The following STK32B variants were observed in gnomAD, a reference collection of about 807,000 sequenced individuals.
The protein encoded by STK32B is serine/threonine-protein kinase 32B.
In STK32B, 43 loss-of-function variants were observed where a neutral mutation model predicts 52.6. The ratio of observed to expected loss-of-function variants is 0.82; its 90% confidence interval spans 0.64 to 1.05. The LOEUF (loss-of-function observed/expected upper bound fraction) is 1.05. Ranked by LOEUF, STK32B falls within the 50% of genes least tolerant of loss-of-function variation. The probability of loss-of-function intolerance (pLI) is 0.00; values close to 1 mark genes in which losing one functional copy is unlikely to be tolerated. For missense variants in STK32B, 621 were observed against 534.6 expected (o/e 1.16, Z -1.59); for synonymous variants, 238 against 204.3 (o/e 1.17, Z -1.41).
At chr4:5,283,679 G>A (rs976279136) in intron 3 of STK32B, among the ~76,000 whole-genome samples, 5 of 152,130 alleles carry the variant, frequency 3.3e-5, no homozygotes, top group Non-Finnish European at 2.9e-5. Context: ...GGAGAGAGTG[G>A]GATGATATAT....
At chr4:5,474,277 C>G (rs16837339) in intron 11 of STK32B, among the ~76,000 whole-genome samples, 3,274 of 152,272 alleles carry the variant, frequency 0.022, 49 homozygotes, top group African/African-American at 0.033. Flanking sequence ...TGCAATCCAT[C>G]ACAGGCTTCA....
intron 1 of STK32B, among the ~76,000 whole-genome samples, chr4:5,138,461 AT>A (rs1716211207): frequency 6.6e-6 from 1 of 152,164 alleles, no homozygotes; most frequent in African/African-American, 2.4e-5. Context: ...ATTCAAAAAT[AT>A]TTACCAAACA....
At chr4:5,123,720 CAT>C (rs1715196408) in intron 1 of STK32B, among the ~76,000 whole-genome samples, 1 of 152,080 alleles carries the variant, frequency 6.6e-6, no homozygotes, top group Non-Finnish European at 1.5e-5. Flanking sequence ...CTTTTTGACC[CAT>C]TTAACCTTAA....
At chr4:5,050,730 C>T (rs1178777760), upstream of STK32B, among the ~76,000 whole-genome samples, 1 of 152,184 alleles carries the variant, frequency 6.6e-6, no homozygotes, top group Non-Finnish European at 1.5e-5. Flanking sequence ...CCCGCGCTCG[C>T]CCCACACGTC....
chr4:5,279,097 A>T (rs1560281819), intron 3 of STK32B, among the ~76,000 whole-genome samples: 1 of 152,080 alleles, frequency 6.6e-6, no homozygotes. Flanking sequence ...TTCAAAACCA[A>T]TCATGCCTTG....
At chr4:5,104,359 G>A (rs1481102894) in intron 1 of STK32B, among the ~76,000 whole-genome samples, 2 of 152,198 alleles carry the variant, frequency 1.3e-5, no homozygotes, top group Non-Finnish European at 1.5e-5. Flanking sequence ...CCCCAGACAT[G>A]TGGAACTGTG....
At chr4:5,210,501 C>G (rs967131856) in intron 3 of STK32B, among the ~76,000 whole-genome samples, 9 of 152,176 alleles carry the variant, frequency 5.9e-5, no homozygotes, top group Admixed American at 3.3e-4. Context: ...CCTGCCCTCA[C>G]CGAAGACAAA....
At chr4:5,258,011 C>T (rs1351147456) in intron 3 of STK32B, among the ~76,000 whole-genome samples, 1 of 152,134 alleles carries the variant, frequency 6.6e-6, no homozygotes, top group Non-Finnish European at 1.5e-5. Context: ...TCAGACTTCC[C>T]GAGTTCAAAT....
chr4:5,250,454 A>T (rs1188101536), intron 3 of STK32B, among the ~76,000 whole-genome samples: 1 of 151,768 alleles, frequency 6.6e-6, no homozygotes, highest in South Asian at 2.1e-4. Context: ...CTGGGATTAC[A>T]TGCATGTATC....
At chr4:5,074,549 A>C (rs766340850) in intron 1 of STK32B, among the ~76,000 whole-genome samples, 1 of 151,664 alleles carries the variant, frequency 6.6e-6, no homozygotes, top group African/African-American at 2.4e-5. Flanking sequence ...GTTTCTTTAC[A>C]TATCTAGTAT....
intron 3 of STK32B, among the ~76,000 whole-genome samples, chr4:5,288,327 T>A (rs1428630584): frequency 6.6e-6 from 1 of 152,172 alleles, no homozygotes; most frequent in Non-Finnish European, 1.5e-5. Flanking sequence ...TTCTGACTGT[T>A]TTTACAGTGG....
At chr4:5,187,248 C>G (rs557024644) in intron 3 of STK32B, among the ~76,000 whole-genome samples, 1 of 152,154 alleles carries the variant, frequency 6.6e-6, no homozygotes, top group African/African-American at 2.4e-5. Context: ...TTCTTGTGCC[C>G]GTTTTCCTGA....
chr4:5,329,252 G>A (rs997300478), intron 3 of STK32B, among the ~76,000 whole-genome samples: 30 of 152,032 alleles, frequency 2.0e-4, no homozygotes, highest in African/African-American at 4.6e-4. Context: ...ATTCCATCCC[G>A]TGAGGTTTGT....
chr4:5,091,349 A>G (rs993685404), intron 1 of STK32B, among the ~76,000 whole-genome samples: 2 of 152,208 alleles, frequency 1.3e-5, no homozygotes, highest in African/African-American at 4.8e-5. Context: ...GACCTAATAA[A>G]CAGAATGCAT....
At chr4:5,205,424 C>T (rs1008611418) in intron 3 of STK32B, among the ~76,000 whole-genome samples, 1 of 152,160 alleles carries the variant, frequency 6.6e-6, no homozygotes, top group Non-Finnish European at 1.5e-5. Flanking sequence ...ATACACCTCC[C>T]CTCCCTCATT....
chr4:5,031,040 G>A, the STK32B span, among the ~76,000 whole-genome samples: 2 of 152,046 alleles, frequency 1.3e-5, no homozygotes, highest in African/African-American at 4.8e-5. Context: ...AGACCCAGGG[G>A]AGAGGTGATG....
At chr4:5,226,595 C>T (rs957971839) in intron 3 of STK32B, among the ~76,000 whole-genome samples, 1 of 152,210 alleles carries the variant, frequency 6.6e-6, no homozygotes, top group Admixed American at 6.5e-5. Context: ...CACTTAGGAG[C>T]AGTCTTGGTT....
At chr4:5,414,443 C>T (rs1293292538) in intron 5 of STK32B, among the ~76,000 whole-genome samples, 1 of 152,004 alleles carries the variant, frequency 6.6e-6, no homozygotes, top group African/African-American at 2.4e-5. Flanking sequence ...AAGAATGTTT[C>T]GGGTCAAATC....
chr4:5,139,679 G>A (rs1370760287), intron 1 of STK32B: 1 of 552,884 alleles, frequency 1.8e-6, no homozygotes, highest in East Asian at 2.9e-5. Context: ...ATCAAGAAGT[G>A]TGGAGTGAAG....
Sources: allele counts gnomAD v4.1 joint callset (sites outside exome capture counted in the v4.1 genomes callset), GRCh38; gene constraint gnomAD v4.1.1; transcripts MANE v1.5; gene names NCBI Gene and HGNC (gene_info 2026-07-23, HGNC 2026-07-21).